The following SLFN11 variants were observed in gnomAD, a reference collection of about 807,000 sequenced individuals.
SLFN11 encodes the protein schlafen family member 11.
In SLFN11, 43 loss-of-function variants were observed where a neutral mutation model predicts 53.4. The ratio of observed to expected loss-of-function variants is 0.80; its 90% CI spans 0.63 to 1.04. SLFN11 has a LOEUF of 1.04. Ranked by LOEUF, SLFN11 falls within the 50% of genes least tolerant of loss-of-function variation. SLFN11 has a pLI of 0.00. For synonymous variants in SLFN11, 389 were observed against 394.7 expected (o/e 0.99, Z 0.17); for missense variants, 990 against 1,079.1 (o/e 0.92, Z 1.16).
At chr17:35,372,348 G>C (rs762366093) in intron 1 of SLFN11, among the ~76,000 whole-genome samples, 2 of 152,120 alleles carry the variant, frequency 1.3e-5, no homozygotes, top group Middle Eastern at 3.4e-3. Flanking sequence ...GGTGGGGAGA[G>C]TTAATGGGTA....
chr17:35,360,471 C>T (rs1908067374), intron 4 of SLFN11, 100 bp from the exon 5 acceptor site: 2 of 1,118,610 alleles, frequency 1.8e-6, no homozygotes, highest in African/African-American at 3.3e-5. Context: ...AATAGTTTGA[C>T]TTGAGAGATA....
chr17:35,354,062 G>A lies in SLFN11; in HGVS notation c.1199-3C>T, dbSNP rs1907150608. 3 of 1,576,310 alleles carry A rather than the reference G, an allele frequency of 1.9e-6. No individual in the cohort carries two copies. The highest frequency in any genetic ancestry group is 1.4e-5 in the African/African-American group (1 of 73,594). On this transcript the variant is annotated splice_region_variant and splice_polypyrimidine_tract_variant and intron_variant, in intron 5 of 6. Coordinates refer to ENST00000685675, the MANE Select transcript of SLFN11 (RefSeq NM_001376007.1). Reference sequence around the variant, plus strand: ...ATATCGCAAATATCCTGGTGGGACTGTATGTGAAAAGAATGATAAATTAGA... The same window carrying A: ...ATATCGCAAATATCCTGGTGGGACTATATGTGAAAAGAATGATAAATTAGA...
At position 35,367,649 on chromosome 17, in the gene SLFN11, C is replaced by T. The variant is rs1909122800; in HGVS notation, c.-183G>A. 1 of 152,136 alleles carries T rather than the reference C, an allele frequency of 6.6e-6. No individual in the cohort carries two copies. Among genetic ancestry groups the T allele is most frequent in the African/African-American group, 2.4e-5 (1 of 41,426 alleles). The allele number at this position is 152,136 out of a possible 1,614,324, so 9.4% of individuals were successfully genotyped here. A position where few individuals can be genotyped will look rare whatever the true frequency, so the allele number is the denominator to read the frequency against. On this transcript the variant is annotated 5_prime_UTR_variant, in exon 2 of 7. It adds an upstream start codon to the 5' untranslated region. Coordinates refer to ENST00000685675, the MANE Select transcript of SLFN11 (RefSeq NM_001376007.1). Reference sequence around the variant, plus strand: ...CCACCAACACAGTGAATTAGCACCACCTGCTATCTCTTTCCACCAAAAGCA... The same window carrying T: ...CCACCAACACAGTGAATTAGCACCATCTGCTATCTCTTTCCACCAAAAGCA...
chr17:35,357,891 A>G (rs1479921556), intron 5 of SLFN11, among the ~76,000 whole-genome samples: 1 of 146,188 alleles, frequency 6.8e-6, no homozygotes, highest in African/African-American at 2.5e-5. Flanking sequence ...TATATATTAT[A>G]GTTATATAAT....
At chr17:35,360,478 G>C in intron 4 of SLFN11, 107 bp from the exon 5 acceptor site, 1 of 1,066,614 alleles carries the variant, frequency 9.4e-7, no homozygotes, top group East Asian at 2.6e-5. Flanking sequence ...TGACTTGAGA[G>C]ATAATATCAA....
rs562632780 is a variant in SLFN11, at chr17:35,367,004, G to A, written c.-77C>T. On this transcript the variant is annotated 5_prime_UTR_variant, in exon 3 of 7. Transcript: ENST00000685675. ...AGAGAATCACCTGAGCCTTCGAGACGAGATTGTGGTGAACCAAGATCGTGC... is the reference window on the plus strand; with the variant it reads ...AGAGAATCACCTGAGCCTTCGAGACAAGATTGTGGTGAACCAAGATCGTGC... 5.3e-5 allele frequency: 8 copies of A among 151,308 alleles called. No individual in the cohort carries two copies. In the East Asian group the frequency reaches 1.2e-3, roughly 22 times the overall value. 9.4% of individuals were successfully genotyped at this position (151,308 alleles called of 1,614,324 possible).
intron 4 of SLFN11, among the ~76,000 whole-genome samples, chr17:35,362,254 A>C (rs555346676): frequency 6.6e-6 from 1 of 152,120 alleles, no homozygotes; most frequent in East Asian, 1.9e-4. Flanking sequence ...CACCACACAG[A>C]TACAATAGAT....
chr17:35,354,299 ACTTTGCTGTCT>A (rs1220276216), intron 5 of SLFN11, among the ~76,000 whole-genome samples: 3 of 152,126 alleles, frequency 2.0e-5, no homozygotes, highest in Non-Finnish European at 4.4e-5. Context: ...TTAGCCTAAG[ACTTTGCTGTCT>A]CATCTGTAAA....
intron 5 of SLFN11, among the ~76,000 whole-genome samples, chr17:35,356,065 G>T (rs1258466206): frequency 6.6e-6 from 1 of 151,810 alleles, no homozygotes; most frequent in Non-Finnish European, 1.5e-5. Flanking sequence ...ACTGGAGCTG[G>T]CTGATTCTGA....
rs766198633 is a variant in SLFN11, at chr17:35,363,250, G to C, written c.558C>G (p.Asn186Lys). ...GGAAAATTAGGTCAGCAGGATCCGA[G>C]TTTGGGTCAGCAGGATCCGAGTTAG... ...ELPNSDPADP[N>K]SDPADLIFQK... Residue 186 changes from asparagine (N) to lysine (K), a missense_variant, in exon 4 of 7, where the codon AAC (asparagine) becomes AAG (lysine). Transcript: ENST00000685675. 2 of 1,614,040 alleles carry C rather than the reference G, an allele frequency of 1.2e-6. No individual in the cohort carries two copies. The highest frequency in any genetic ancestry group is 2.2e-5 in the South Asian group (2 of 91,082).
At chr17:35,354,156 C>T in intron 5 of SLFN11, 97 bp from the exon 6 acceptor site, 1 of 1,052,044 alleles carries the variant, frequency 9.5e-7, no homozygotes, top group Non-Finnish European at 1.3e-6. Context: ...TAAATGATTA[C>T]TTATAGAAGT....
intron 3 of SLFN11, among the ~76,000 whole-genome samples, 183 bp downstream of exon 3, chr17:35,366,764 A>C (rs1909002179): frequency 1.3e-5 from 2 of 152,136 alleles, no homozygotes; most frequent in South Asian, 4.1e-4. Flanking sequence ...ATTTAGAAGA[A>C]ATTTGTTAGA....
rs1304192980 is a variant in SLFN11 at position 35,352,732 on chromosome 17, A to G, written c.2330T>C (p.Leu777Ser). 1.6e-5 allele frequency: 26 copies of G among 1,614,194 alleles called. No individual in the cohort carries two copies. In the South Asian group the frequency reaches 2.9e-4, roughly 18 times the overall value. Reference protein sequence around the residue: ...AEWSQGVQGTLRIKKYLTVEQ... With the variant: ...AEWSQGVQGTSRIKKYLTVEQ... ...CACAGTCAAGTATTTCTTAATTCGT[A>G]AGGTTCCCTGAACACCCTGGGACCA... The change falls in exon 7 of 7, where the codon TTA becomes TCA. Residue 777 changes from leucine (L) to serine (S), a missense_variant. Leu to Ser is a moderately radical substitution (Grantham distance 145). Coordinates refer to ENST00000685675, the MANE Select transcript of SLFN11 (RefSeq NM_001376007.1).
intron 5 of SLFN11, among the ~76,000 whole-genome samples, chr17:35,357,744 A>G (rs1907696064): frequency 6.9e-6 from 1 of 145,542 alleles, no homozygotes; most frequent in Admixed American, 6.9e-5. Flanking sequence ...AATATATATC[A>G]TATATAAATA....
rs185568759 is a variant in SLFN11 at position 35,350,928 on chromosome 17, G to A, written c.*1428C>T. 3 of 152,304 alleles carry A rather than the reference G, an allele frequency of 2.0e-5. No individual in the cohort carries two copies. Among genetic ancestry groups the A allele is most frequent in the African/African-American group, 4.8e-5 (2 of 41,572 alleles). 9.4% of individuals were successfully genotyped at this position (152,304 alleles called of 1,614,324 possible). The stretch of plus-strand genomic sequence containing the variant: ...AATATTTAGATTAGTGTTTTAGAAC[G>A]TTTTGTAGAGACTGAAAAGCAAATA... On this transcript the variant is annotated 3_prime_UTR_variant, in exon 7 of 7. Coordinates refer to ENST00000685675, the MANE Select transcript of SLFN11 (RefSeq NM_001376007.1).
intron 2 of SLFN11, chr17:35,367,295 G>T (rs1310881208): frequency 6.6e-6 from 1 of 152,082 alleles, no homozygotes; most frequent in African/African-American, 2.4e-5. Context: ...ATAGATTATA[G>T]TTTTTGGTTG....
chr17:35,360,543 G>T (rs866912461), intron 4 of SLFN11, among the ~76,000 whole-genome samples, 172 bp from the exon 5 acceptor site: 3 of 151,892 alleles, frequency 2.0e-5, no homozygotes, highest in East Asian at 1.9e-4. Flanking sequence ...TGCATATCAA[G>T]GTTGCCAAAA....
At chr17:35,355,280 G>A (rs1331175168) in intron 5 of SLFN11, among the ~76,000 whole-genome samples, 1 of 152,088 alleles carries the variant, frequency 6.6e-6, no homozygotes, top group Non-Finnish European at 1.5e-5. Context: ...TGGGCCTGTA[G>A]TTCCAGCTAC....
At chr17:35,358,064 G>T (rs1907754461) in intron 5 of SLFN11, among the ~76,000 whole-genome samples, 2 of 150,110 alleles carry the variant, frequency 1.3e-5, no homozygotes, top group African/African-American at 4.9e-5. Context: ...CTTCAGAATT[G>T]ACAACTTTGT....
Sources: allele counts gnomAD v4.1 joint callset (sites outside exome capture counted in the v4.1 genomes callset), GRCh38; gene constraint gnomAD v4.1.1; transcripts MANE v1.5; gene names NCBI Gene and HGNC (gene_info 2026-07-23, HGNC 2026-07-21).